The following MARCHF8 variants were observed in gnomAD, a reference collection of about 807,000 sequenced individuals.
MARCHF8 encodes the protein E3 ubiquitin-protein ligase MARCHF8.
A neutral mutation model predicts 51.6 loss-of-function variants in MARCHF8; 40 were observed. That is an observed-to-expected ratio of 0.77 (90% CI 0.60 to 1.01). The LOEUF is 1.01. Among genes scored for constraint, MARCHF8 ranks in the 50% least tolerant of loss-of-function variants. The pLI, the probability that MARCHF8 is intolerant of heterozygous loss-of-function variation, is 0.00. For synonymous variants in MARCHF8, 263 were observed against 280.3 expected, an observed-to-expected ratio of 0.94 and a Z score of 0.62; for missense variants, 685 against 708.6, an observed-to-expected ratio of 0.97 and a Z score of 0.38.
At chr10:45,493,646 G>T (rs1193706393) in intron 2 of MARCHF8, among the ~76,000 whole-genome samples, 2 of 152,110 alleles carry the variant, frequency 1.3e-5, no homozygotes, top group South Asian at 2.1e-4. Context: ...TTAGGTCTAG[G>T]GGGGACTCAG....
chr10:45,582,611 G>C (rs1324035743), intron 1 of MARCHF8, among the ~76,000 whole-genome samples: 1 of 152,204 alleles, frequency 6.6e-6, no homozygotes, highest in Non-Finnish European at 1.5e-5. Context: ...AAGGCTGCTT[G>C]CCAGAGGTCA....
Position 45,458,326 on chromosome 10 carries a change from T to C in MARCHF8, c.1635A>G (p.Lys545=), listed in dbSNP as rs774646607. The C allele has an allele frequency of 6.2e-6, 10 of 1,614,070 alleles. No homozygotes were observed. The highest frequency in any genetic ancestry group is 1.6e-4 in the Middle Eastern group (1 of 6,084). The change falls in exon 8 of 8, where the codon AAA becomes AAG. Residue 545 remains lysine, a synonymous_variant. Coordinates refer to ENST00000453424, the MANE Select transcript of MARCHF8 (RefSeq NM_001282866.2). ...SPLTEPNFEN[K]HGYGICHSDT... Reference sequence around the variant, plus strand: ...CGGAATGACAGATTCCATATCCATGTTTATTTTCAAAGTTGGGCTCTGTTA... The same window carrying C: ...CGGAATGACAGATTCCATATCCATGCTTATTTTCAAAGTTGGGCTCTGTTA...
chr10:45,550,312 C>T (rs555688319), intron 1 of MARCHF8, among the ~76,000 whole-genome samples: 4 of 152,252 alleles, frequency 2.6e-5, no homozygotes, highest in Admixed American at 2.0e-4. Flanking sequence ...CAATCCATAC[C>T]GCTTGAAGAT....
At chr10:45,490,135 C>G (rs2043055918) in intron 2 of MARCHF8, among the ~76,000 whole-genome samples, 1 of 152,174 alleles carries the variant, frequency 6.6e-6, no homozygotes. Context: ...GAATAACATC[C>G]CACCTGGCCT....
chr10:45,592,471 G>A (rs953698086), intron 1 of MARCHF8, among the ~76,000 whole-genome samples: 1 of 152,134 alleles, frequency 6.6e-6, no homozygotes, highest in South Asian at 2.1e-4. Flanking sequence ...TTACGGGGGG[G>A]AAAAAGCACA....
chr10:45,460,499 G>T (rs1842752785), intron 6 of MARCHF8, among the ~76,000 whole-genome samples: 1 of 152,206 alleles, frequency 6.6e-6, no homozygotes, highest in African/African-American at 2.4e-5. Context: ...GCTAGTATTT[G>T]ATTATGTGAC....
At chr10:45,580,003 C>CAAAAA (rs34446338) in intron 1 of MARCHF8, among the ~76,000 whole-genome samples, 1 of 36,468 alleles carries the variant, frequency 2.7e-5, no homozygotes, top group Non-Finnish European at 5.0e-5. Context: ...ACTCCGTCTC[C>CAAAAA]AAAAAAAAAA....
At chr10:45,483,753 T>C (rs962783970) in intron 3 of MARCHF8, among the ~76,000 whole-genome samples, 1 of 152,106 alleles carries the variant, frequency 6.6e-6, no homozygotes, top group African/African-American at 2.4e-5. Flanking sequence ...AATGAAATCA[T>C]GTCATCTGCA....
intron 3 of MARCHF8, among the ~76,000 whole-genome samples, chr10:45,466,312 T>C (rs1484525729): frequency 6.6e-6 from 1 of 152,228 alleles, no homozygotes. Flanking sequence ...TGCTCTCTTC[T>C]TTTATTTCTG....
rs1381072637 is a variant in MARCHF8, at chr10:45,456,127, A to G, written c.*2112T>C. 1 of 152,338 alleles carries G rather than the reference A, an allele frequency of 6.6e-6. No individual in the cohort carries two copies. The highest frequency in any genetic ancestry group is 1.5e-5 in the Non-Finnish European group (1 of 68,118). The allele number at this position is 152,338 out of a possible 1,614,324, so 9.4% of individuals were successfully genotyped here. A position where few individuals can be genotyped will look rare whatever the true frequency, so the allele number is the denominator to read the frequency against. On this transcript the variant is annotated 3_prime_UTR_variant, in exon 8 of 8. Coordinates refer to ENST00000453424, the MANE Select transcript of MARCHF8 (RefSeq NM_001282866.2). Reference sequence around the variant, plus strand: ...CATCTACTGCTGGGTGGCAGGAACAAGTATACAAAACCAGGGGCCTTGCCT... The same window carrying G: ...CATCTACTGCTGGGTGGCAGGAACAGGTATACAAAACCAGGGGCCTTGCCT...
intron 3 of MARCHF8, among the ~76,000 whole-genome samples, chr10:45,475,070 C>T (rs1177377865): frequency 6.6e-6 from 1 of 152,198 alleles, no homozygotes; most frequent in Non-Finnish European, 1.5e-5. Flanking sequence ...CCCAACAGTC[C>T]CTGCTTCTTC....
intron 2 of MARCHF8, among the ~76,000 whole-genome samples, chr10:45,501,849 T>C (rs910227301): frequency 2.6e-5 from 4 of 152,082 alleles, no homozygotes; most frequent in African/African-American, 7.2e-5. Flanking sequence ...TCTTAATGAA[T>C]AGGATACTCA....
intron 2 of MARCHF8, among the ~76,000 whole-genome samples, chr10:45,503,962 G>A (rs565476439): frequency 1.1e-4 from 17 of 152,300 alleles, no homozygotes; most frequent in Admixed American, 3.9e-4. Context: ...AGTTACCAAG[G>A]ATTGTGGGGA....
In MARCHF8 at chr10:45,461,320, G is replaced by A. The variant is rs1842776929; in HGVS notation, c.1180C>T (p.Gln394Ter). Reference protein sequence around the residue: ...SLHFVHQACLQQWIKSSDTRC... With the variant: ...SLHFVHQACL ...GTGTCGGAGCTCTTGATCCACTGCT[G>A]CAGGCAGGCCTGGTGCACGAAGTGG... The change falls in exon 6 of 8, where the codon CAG becomes TAG. Residue 394 changes from glutamine (Q) to a stop codon, truncating the protein, a stop_gained. Transcript: ENST00000453424. LOFTEE classifies it high-confidence loss of function. 1.9e-6 allele frequency: 3 copies of A among 1,607,966 alleles called. No individual in the cohort carries two copies. The highest frequency in any genetic ancestry group is 2.5e-6 in the Non-Finnish European group (3 of 1,177,548).
chr10:45,579,164 A>C (rs1371137245), intron 1 of MARCHF8, among the ~76,000 whole-genome samples: 1 of 152,204 alleles, frequency 6.6e-6, no homozygotes, highest in African/African-American at 2.4e-5. Flanking sequence ...GACTTATACA[A>C]CTTAAACTCA....
intron 1 of MARCHF8, among the ~76,000 whole-genome samples, chr10:45,544,298 GA>G (rs1341444216): frequency 2.1e-4 from 32 of 152,276 alleles, no homozygotes; most frequent in African/African-American, 7.7e-4. Flanking sequence ...TAGATACTTG[GA>G]AAATAGTCTG....
At chr10:45,516,454 CTGAT>C (rs770944053) in intron 2 of MARCHF8, among the ~76,000 whole-genome samples, 20 of 148,030 alleles carry the variant, frequency 1.4e-4, no homozygotes, top group East Asian at 2.2e-4. Context: ...CTGGCTCAAA[CTGAT>C]TGATTATTAA....
chr10:45,490,411 C>T (rs1210923005), intron 2 of MARCHF8, among the ~76,000 whole-genome samples: 1 of 152,150 alleles, frequency 6.6e-6, no homozygotes, highest in Non-Finnish European at 1.5e-5. Flanking sequence ...GTGACACAGA[C>T]ACACACAGAT....
intron 1 of MARCHF8, among the ~76,000 whole-genome samples, chr10:45,582,690 G>C (rs182688502): frequency 2.3e-4 from 35 of 152,278 alleles, no homozygotes; most frequent in Admixed American, 1.9e-3. Flanking sequence ...ACTGTATCAA[G>C]TTGTACAGAT....
Sources: gnomAD v4.1 joint callset for allele counts (sites outside exome capture counted in the v4.1 genomes callset) on GRCh38, gnomAD v4.1.1 for gene constraint, MANE v1.5 for transcripts, NCBI Gene and HGNC (gene_info 2026-07-23, HGNC 2026-07-21) for gene names.